Variants in CLEC16A observed in about 807,000 individuals in gnomAD.
CLEC16A encodes protein CLEC16A.
A neutral mutation model predicts 109.5 loss-of-function variants in CLEC16A; 51 were observed. That is an observed-to-expected ratio of 0.47 (90% CI 0.37 to 0.59). The LOEUF (loss-of-function observed/expected upper bound fraction) is 0.59. CLEC16A is among the 20% of genes least tolerant of loss of function. The pLI, the probability that CLEC16A is intolerant of heterozygous loss-of-function variation, is 0.00. For missense variants in CLEC16A, 1,339 were observed against 1,394.0 expected, an observed-to-expected ratio of 0.96 and a Z score of 0.63; for synonymous variants, 673 against 564.2, an observed-to-expected ratio of 1.19 and a Z score of -2.73.
intron 10 of CLEC16A, among the ~76,000 whole-genome samples, chr16:11,002,401 A>G (rs572069132): frequency 3.9e-4 from 60 of 152,326 alleles, no homozygotes; most frequent in African/African-American, 1.3e-3. Context: ...GGTAGCTGGC[A>G]CTGTTGTTTT....
chr16:11,141,218 C>A (rs2053810762), intron 22 of CLEC16A, among the ~76,000 whole-genome samples: 1 of 152,248 alleles, frequency 6.6e-6, no homozygotes, highest in African/African-American at 2.4e-5. Flanking sequence ...GCCATATGGA[C>A]AGCACCAGGC....
In CLEC16A at chr16:10,982,982, G is replaced by A. The variant is rs1376685007; in HGVS notation, c.1062G>A (p.Gln354=). 2 of 1,588,546 alleles carry A rather than the reference G, an allele frequency of 1.3e-6. No individual in the cohort carries two copies. Among genetic ancestry groups the A allele is most frequent in the Non-Finnish European group, 1.7e-6 (2 of 1,157,036 alleles). ...ACGCTAAGACTGAACAGGATATTCA[G>A]AGAAGTTCTGTAAGTCATTAGCTTC... is the stretch of plus-strand genomic sequence containing the variant. The part of the protein sequence containing the change: ...EMYAKTEQDI[Q]RSSAKPSIRC... Residue 354 remains glutamine (Q), a synonymous_variant, in exon 10 of 24, where the codon CAG becomes CAA. Coordinates refer to ENST00000409790, the MANE Select transcript of CLEC16A (RefSeq NM_015226.3).
At chr16:11,037,373 G>T (rs1243611396) in intron 13 of CLEC16A, among the ~76,000 whole-genome samples, 2 of 152,196 alleles carry the variant, frequency 1.3e-5, no homozygotes, top group African/African-American at 2.4e-5. Context: ...ACAACTCTGG[G>T]CCTTAACTTC....
intron 19 of CLEC16A, among the ~76,000 whole-genome samples, chr16:11,085,442 C>T (rs757989848): frequency 5.3e-5 from 8 of 152,284 alleles, no homozygotes; most frequent in Non-Finnish European, 1.0e-4. Flanking sequence ...CCAGCTTTGT[C>T]ACGTGCGTGA....
intron 19 of CLEC16A, among the ~76,000 whole-genome samples, chr16:11,086,386 A>G (rs1405521742): frequency 2.0e-5 from 3 of 152,186 alleles, no homozygotes; most frequent in East Asian, 3.8e-4. Context: ...CTGTGGGATT[A>G]TTATGAGGAT....
In CLEC16A at chr16:11,098,979, A is replaced by G. The variant is rs1202577902; in HGVS notation, c.2117-21636A>G. ...GTGAGACCTGTGGCACCCCATGCCC[A>G]TTGATCATACCTACTTGCTCTGTGA... On this transcript the variant is annotated intron_variant, in intron 19 of 23. Coordinates refer to ENST00000409790, the MANE Select transcript of CLEC16A (RefSeq NM_015226.3). Among the ~76,000 whole-genome samples, 3 of 152,212 alleles carry G rather than the reference A, an allele frequency of 2.0e-5. No individual in the cohort carries two copies. In the East Asian group the frequency reaches 5.8e-4, roughly 29 times the overall value.
chr16:11,156,817 GTC>G, intron 22 of CLEC16A: 1 of 503,430 alleles, frequency 2.0e-6, no homozygotes, highest in Non-Finnish European at 3.5e-6. Context: ...CCAAGATCTG[GTC>G]CACCTGTGTC....
In CLEC16A at chr16:11,178,430, G is replaced by C. The variant is rs72650688; in HGVS notation, c.2902G>C (p.Val968Leu). 18 of 1,613,496 alleles carry C rather than the reference G, an allele frequency of 1.1e-5. No individual in the cohort carries two copies. The highest frequency in any genetic ancestry group is 1.5e-5 in the Non-Finnish European group (18 of 1,179,900). Residue 968 changes from valine to leucine, a missense_variant, in exon 24 of 24, where the codon GTG becomes CTG. Physicochemically the swap from Val to Leu is conservative, Grantham distance 32. Transcript: ENST00000409790. This position sits in a 1 kb window ranked among gnomAD's most constrained non-coding sequence, Gnocchi z 6.5. ...TEADSKPSKN[V>L]ARSAAVETAS... ...AGCAGACTCTAAGCCCAGCAAGAAC[G>C]TGGCCAGGAGCGCAGCCGTGGAGAC...
chr16:10,945,148 C>T (rs1782657699), intron 1 of CLEC16A, among the ~76,000 whole-genome samples: 1 of 152,164 alleles, frequency 6.6e-6, no homozygotes, highest in Non-Finnish European at 1.5e-5. Flanking sequence ...CTTAGAGGGT[C>T]AAAGGCCTGG....
chr16:11,143,321 T>A (rs750958213), intron 22 of CLEC16A, among the ~76,000 whole-genome samples: 14 of 152,110 alleles, frequency 9.2e-5, no homozygotes, highest in Non-Finnish European at 1.5e-4. Context: ...ATCATGCCAG[T>A]CCTCGTTTGA....
chr16:11,012,924 G>A (rs1417987068), intron 11 of CLEC16A, among the ~76,000 whole-genome samples: 1 of 152,064 alleles, frequency 6.6e-6, no homozygotes, highest in African/African-American at 2.4e-5. Flanking sequence ...TCCAGTTTAG[G>A]ATCTTGTATG....
intron 22 of CLEC16A, among the ~76,000 whole-genome samples, chr16:11,158,317 T>C (rs1363819832): frequency 6.6e-6 from 1 of 152,138 alleles, no homozygotes; most frequent in Non-Finnish European, 1.5e-5. Flanking sequence ...CGCCTCATGG[T>C]CCTCATTCAC....
intron 22 of CLEC16A, among the ~76,000 whole-genome samples, chr16:11,165,547 G>T (rs1567411462): frequency 6.6e-6 from 1 of 152,176 alleles, no homozygotes; most frequent in Non-Finnish European, 1.5e-5. Flanking sequence ...GCCACACCCT[G>T]TTCTGGGGTG....
intron 19 of CLEC16A, among the ~76,000 whole-genome samples, chr16:11,065,110 G>C (rs2152914461): frequency 6.6e-6 from 1 of 152,338 alleles, no homozygotes; most frequent in Non-Finnish European, 1.5e-5. Context: ...TCCCGTCTAG[G>C]CTGTGAGACT....
rs57562559 is a variant in CLEC16A at position 11,007,403 on chromosome 16, G to T, written c.1303+4098G>T. On this transcript the variant is annotated intron_variant, in intron 11 of 23. Coordinates refer to ENST00000409790, the MANE Select transcript of CLEC16A (RefSeq NM_015226.3). ...CTTTCAAAATTAGAGCCAGCCCCAG[G>T]CCTGGCAGTGTCTTGGTTGGGGCAA... is the stretch of plus-strand genomic sequence containing the variant. 2.3e-3 allele frequency among the ~76,000 whole-genome samples: 353 copies of T among 152,280 alleles called. 4 individuals are homozygous for T. The highest frequency in any genetic ancestry group is 8.0e-3 in the African/African-American group (332 of 41,544).
rs896498464 is a variant in CLEC16A at position 11,024,698 on chromosome 16, G to A, written c.1437-123G>A. On this transcript the variant is annotated intron_variant, in intron 12 of 23. Transcript: ENST00000409790. ...GTCCTCAGTGCGTGGTGCTGGACCAGGCACACAGTTGTGGCCTAAAGAGCT... is the reference window on the plus strand; with the variant it reads ...GTCCTCAGTGCGTGGTGCTGGACCAAGCACACAGTTGTGGCCTAAAGAGCT... 7.2e-6 allele frequency: 5 copies of A among 696,344 alleles called. No individual in the cohort carries two copies. The East Asian group carries it at 1.4e-4, about 19-fold the overall frequency. 43.1% of individuals were successfully genotyped at this position (696,344 alleles called of 1,614,324 possible). A position where few individuals can be genotyped will look rare whatever the true frequency, so the allele number is the denominator to read the frequency against.
intron 19 of CLEC16A, among the ~76,000 whole-genome samples, chr16:11,084,349 T>G (rs2049895029): frequency 6.6e-6 from 1 of 152,188 alleles, no homozygotes; most frequent in Non-Finnish European, 1.5e-5. Flanking sequence ...TTGGTTCATG[T>G]GGGTACCAAG....
chr16:10,972,857 C>G, intron 6 of CLEC16A, 81 bp from the exon 7 acceptor site: 1 of 1,431,510 alleles, frequency 7.0e-7, no homozygotes. Context: ...TTGGGTTTTG[C>G]TTTGTTTTTG....
rs576308607 is a variant in CLEC16A, at chr16:10,977,690, T to C, written c.903+291T>C. Reference sequence around the variant, plus strand: ...CACCACGCCTGACTAATTTTTGTACTTTTTGGAAGAGACGGCGGCATTTCA... The same window carrying C: ...CACCACGCCTGACTAATTTTTGTACCTTTTGGAAGAGACGGCGGCATTTCA... On this transcript the variant is annotated intron_variant, in intron 8 of 23. Coordinates refer to ENST00000409790, the MANE Select transcript of CLEC16A (RefSeq NM_015226.3). 8.1e-4 allele frequency among the ~76,000 whole-genome samples: 123 copies of C among 152,258 alleles called. 1 individual carries two copies. Among genetic ancestry groups the C allele is most frequent in the South Asian group, 2.5e-3 (12 of 4,814 alleles).
Sources: gnomAD v4.1 joint callset for allele counts (sites outside exome capture counted in the v4.1 genomes callset) on GRCh38, gnomAD v4.1.1 for gene constraint, Gnocchi (gnomAD v3.1) non-coding constraint, MANE v1.5 for transcripts, NCBI Gene and HGNC (gene_info 2026-07-23, HGNC 2026-07-21) for gene names.